SHISA9: variants seen among roughly 807,000 people sequenced by gnomAD.
The protein encoded by SHISA9 is shisa family member 9, also known as protein shisa-9.
Under a neutral mutation model 38.0 loss-of-function variants are expected in SHISA9, and 13 were observed. The observed-to-expected ratio is 0.34, with a 90% CI of 0.22 to 0.54. The LOEUF is 0.54. SHISA9 is among the 20% of genes least tolerant of loss of function. SHISA9 has a pLI of 0.91. For synonymous variants in SHISA9, 275 were observed against 242.0 expected, an observed-to-expected ratio of 1.14 and a Z score of -1.27; for missense variants, 538 against 575.8, an observed-to-expected ratio of 0.93 and a Z score of 0.67.
the SHISA9 span, among the ~76,000 whole-genome samples, chr16:13,317,293 A>G: frequency 8.5e-5 from 13 of 152,152 alleles, no homozygotes; most frequent in African/African-American, 1.2e-4. Flanking sequence ...ATTCTGATTA[A>G]TTTTCCTAAA....
intron 2 of SHISA9, among the ~76,000 whole-genome samples, chr16:12,944,474 G>A (rs2141764597): frequency 6.6e-6 from 1 of 152,266 alleles, no homozygotes; most frequent in East Asian, 1.9e-4. Context: ...CCAAAGCCAT[G>A]GATTATTCTG....
At position 13,019,968 on chromosome 16, in the gene SHISA9, T is replaced by TTTCCTTCGTTCCTTCC. The variant is rs1555455228; in HGVS notation, c.691+103160_691+103161insGTTCCTTCCTTCCTTC. Among the ~76,000 whole-genome samples, 9 of 43,234 alleles carry TTTCCTTCGTTCCTTCC rather than the reference T, an allele frequency of 2.1e-4. 1 individual carries two copies. Among genetic ancestry groups the TTTCCTTCGTTCCTTCC allele is most frequent in the Non-Finnish European group, 3.2e-4 (7 of 22,066 alleles). The allele number at this position is 43,234 out of a possible 152,430, so 28.4% of individuals were successfully genotyped here. The stretch of plus-strand genomic sequence containing the variant: ...CTTTCTTTCTTTCTTTCCCTCCTTC[T>TTTCCTTCGTTCCTTCC]TTCCTTCCTTCCTTCCTTCCTTCCT... On this transcript the variant is annotated intron_variant, in intron 2 of 4. Coordinates refer to ENST00000558583, the MANE Select transcript of SHISA9 (RefSeq NM_001145204.3).
At chr16:13,529,568 T>C in the SHISA9 span, among the ~76,000 whole-genome samples, 1 of 152,254 alleles carries the variant, frequency 6.6e-6, no homozygotes, top group East Asian at 1.9e-4. Flanking sequence ...ACAGTCCAAC[T>C]GCCTTGGGAC....
chr16:13,287,932 C>G, the SHISA9 span, among the ~76,000 whole-genome samples: 1 of 152,056 alleles, frequency 6.6e-6, no homozygotes, highest in African/African-American at 2.4e-5. Context: ...GAAGCCCCTT[C>G]GCTAATGGGT....
intron 4 of SHISA9, among the ~76,000 whole-genome samples, chr16:13,215,639 G>A (rs1000825131): frequency 6.6e-6 from 1 of 152,080 alleles, no homozygotes; most frequent in Non-Finnish European, 1.5e-5. Flanking sequence ...ACATATTTCA[G>A]TTTAGGTTAA....
chr16:13,536,321 A>ATGGC, the SHISA9 span, among the ~76,000 whole-genome samples: 1 of 152,028 alleles, frequency 6.6e-6, no homozygotes, highest in African/African-American at 2.4e-5. Context: ...TATCTGCCTA[A>ATGGC]ATAACTTTTC....
chr16:13,024,176 A>G (rs2072892412), intron 2 of SHISA9, among the ~76,000 whole-genome samples: 1 of 152,214 alleles, frequency 6.6e-6, no homozygotes, highest in Non-Finnish European at 1.5e-5. Flanking sequence ...CACCTACAGA[A>G]CAAATTGAGC....
At chr16:13,193,953 G>C (rs148286194) in intron 2 of SHISA9, among the ~76,000 whole-genome samples, 16 of 152,186 alleles carry the variant, frequency 1.1e-4, no homozygotes, top group Non-Finnish European at 1.9e-4. Context: ...AGTCTCAGAG[G>C]AAGCAGGACA....
chr16:13,175,203 C>CA (rs549571777), intron 2 of SHISA9, among the ~76,000 whole-genome samples: 78 of 134,702 alleles, frequency 5.8e-4, no homozygotes, highest in South Asian at 4.5e-3. Flanking sequence ...CCCGTCTCTC[C>CA]AAAAAAAAAA....
chr16:13,118,138 C>A (rs59028429), intron 2 of SHISA9, among the ~76,000 whole-genome samples: 1 of 147,356 alleles, frequency 6.8e-6, no homozygotes, highest in Middle Eastern at 3.3e-3. Context: ...GTGGAGATCA[C>A]GCAATTGTAC....
the SHISA9 span, among the ~76,000 whole-genome samples, chr16:13,354,375 G>A: frequency 7.1e-6 from 1 of 140,090 alleles, no homozygotes; most frequent in African/African-American, 2.7e-5. Context: ...GAAATTTGGG[G>A]AAATGGGGTG....
At chr16:13,272,036 G>GAGTGGCA in the SHISA9 span, among the ~76,000 whole-genome samples, 1 of 151,014 alleles carries the variant, frequency 6.6e-6, no homozygotes, top group Non-Finnish European at 1.5e-5. Context: ...CTGCGATTGT[G>GAGTGGCA]CCACAGCCTG....
At chr16:13,479,081 C>T in the SHISA9 span, among the ~76,000 whole-genome samples, 1 of 152,166 alleles carries the variant, frequency 6.6e-6, no homozygotes, top group African/African-American at 2.4e-5. Context: ...CTGGAAGAAT[C>T]CCATTCCTTG....
At chr16:12,959,283 C>G (rs12925279) in intron 2 of SHISA9, among the ~76,000 whole-genome samples, 29,272 of 152,172 alleles carry the variant, frequency 0.19, 3,443 homozygotes, top group Middle Eastern at 0.35. Flanking sequence ...TGTCCAGCCT[C>G]TGCAGGGTGC....
chr16:13,383,306 G>T, the SHISA9 span, among the ~76,000 whole-genome samples: 1 of 152,204 alleles, frequency 6.6e-6, no homozygotes, highest in Non-Finnish European at 1.5e-5. Flanking sequence ...AGAGCCAAAG[G>T]CTCAAGGCAG....
intron 2 of SHISA9, among the ~76,000 whole-genome samples, chr16:13,199,693 T>C (rs879114221): frequency 6.6e-6 from 1 of 152,140 alleles, no homozygotes; most frequent in Admixed American, 6.6e-5. Context: ...TGGTTCCAAG[T>C]AGAAAAGTTG....
chr16:12,995,104 A>G (rs2072441942), intron 2 of SHISA9, among the ~76,000 whole-genome samples: 1 of 152,120 alleles, frequency 6.6e-6, no homozygotes, highest in Non-Finnish European at 1.5e-5. Context: ...TTTTATGGGT[A>G]CATAGTAGGT....
intron 1 of SHISA9, among the ~76,000 whole-genome samples, chr16:12,904,618 C>T (rs1306277682): frequency 6.6e-6 from 1 of 152,132 alleles, no homozygotes; most frequent in African/African-American, 2.4e-5. Context: ...CTAGGGGACC[C>T]AGTCCTAGGG....
At chr16:13,148,789 C>T (rs987794382) in intron 2 of SHISA9, among the ~76,000 whole-genome samples, 2 of 151,004 alleles carry the variant, frequency 1.3e-5, no homozygotes, top group African/African-American at 2.4e-5. Flanking sequence ...GAAAAATTGC[C>T]TGAGGCCACA....
Sources: gnomAD v4.1 joint callset for allele counts (sites outside exome capture counted in the v4.1 genomes callset) on GRCh38, gnomAD v4.1.1 for gene constraint, MANE v1.5 for transcripts, NCBI Gene and HGNC (gene_info 2026-07-23, HGNC 2026-07-21) for gene names.